The following IL1RAPL1 variants were observed in gnomAD, a reference collection of about 807,000 sequenced individuals.
The protein encoded by IL1RAPL1 is interleukin-1 receptor accessory protein-like 1.
A neutral mutation model predicts 48.4 loss-of-function variants in IL1RAPL1; 3 were observed. The ratio of observed to expected loss-of-function variants is 0.06; its 90% CI spans 0.03 to 0.16. The LOEUF is 0.16. Ranked by LOEUF, IL1RAPL1 falls within the 10% of genes least tolerant of loss-of-function variation. The pLI is 1.00. For synonymous variants in IL1RAPL1, 185 were observed against 187.7 expected (o/e 0.99, Z 0.12); for missense variants, 349 against 530.6 (o/e 0.66, Z 3.36).
chrX:29,267,720 C>T (rs1167486813), intron 2 of IL1RAPL1, among the ~76,000 whole-genome samples: 1 of 112,004 alleles, frequency 8.9e-6, no homozygotes, highest in Admixed American at 9.5e-5. Context: ...ACAAGCTCTG[C>T]ATTAAATCCA....
At chrX:29,010,550 C>T (rs1926099053) in intron 2 of IL1RAPL1, among the ~76,000 whole-genome samples, 1 of 111,796 alleles carries the variant, frequency 8.9e-6, no homozygotes, top group Admixed American at 9.6e-5. Flanking sequence ...TTTTTAAAGT[C>T]ACAAACATAT....
chrX:29,215,741 G>T (rs186805068), intron 2 of IL1RAPL1, among the ~76,000 whole-genome samples: 18 of 111,970 alleles, frequency 1.6e-4, no homozygotes, highest in African/African-American at 5.8e-4. Context: ...GACAAAACAT[G>T]CTGATATAGA....
intron 2 of IL1RAPL1, among the ~76,000 whole-genome samples, chrX:29,208,729 TAATAATA>T (rs199631770): frequency 0.13 from 11,940 of 95,063 alleles, 880 homozygotes; most frequent in East Asian, 0.33. Flanking sequence ...ATAATAATAA[TAATAATA>T]AATAAATAAA....
intron 6 of IL1RAPL1, among the ~76,000 whole-genome samples, chrX:29,851,725 G>C (rs1931374134): frequency 9.0e-6 from 1 of 111,045 alleles, no homozygotes; most frequent in Admixed American, 9.6e-5. Context: ...GGGAGCTGTA[G>C]GTCCTTTTCT....
chrX:29,808,043 G>A (rs1930296708), intron 6 of IL1RAPL1, among the ~76,000 whole-genome samples: 1 of 111,598 alleles, frequency 9.0e-6, no homozygotes, highest in South Asian at 3.7e-4. Context: ...GTTTTTGCAG[G>A]ACAGTTTGGT....
chrX:28,917,893 A>AT (rs1464627802), intron 2 of IL1RAPL1, among the ~76,000 whole-genome samples: 3 of 111,768 alleles, frequency 2.7e-5, no homozygotes, highest in Non-Finnish European at 5.7e-5. Flanking sequence ...TTTAAGATGT[A>AT]TTTTTTCCCT....
At chrX:29,102,418 C>A (rs1356915591) in intron 2 of IL1RAPL1, among the ~76,000 whole-genome samples, 1 of 111,642 alleles carries the variant, frequency 9.0e-6, no homozygotes, top group African/African-American at 3.3e-5. Context: ...TATAATCCCA[C>A]CACTTTGGGA....
At chrX:29,238,737 T>A (rs1406054136) in intron 2 of IL1RAPL1, among the ~76,000 whole-genome samples, 1 of 112,220 alleles carries the variant, frequency 8.9e-6, no homozygotes, top group African/African-American at 3.2e-5. Context: ...ATATATTCAG[T>A]GACTTACAAT....
At chrX:29,379,672 C>T (rs1432873921) in intron 3 of IL1RAPL1, among the ~76,000 whole-genome samples, 2 of 111,973 alleles carry the variant, frequency 1.8e-5, no homozygotes, top group Non-Finnish European at 3.8e-5. Flanking sequence ...CTAGCCATAA[C>T]GTTCAGGTAC....
intron 6 of IL1RAPL1, among the ~76,000 whole-genome samples, chrX:29,732,002 A>C (rs1009121976): frequency 6.2e-5 from 7 of 112,158 alleles, no homozygotes; most frequent in African/African-American, 9.7e-5. Context: ...AACCACAAAA[A>C]GAAGATATAT....
intron 5 of IL1RAPL1, among the ~76,000 whole-genome samples, chrX:29,587,224 A>G (rs1433415784): frequency 9.0e-6 from 1 of 111,134 alleles, no homozygotes; most frequent in Non-Finnish European, 1.9e-5. Context: ...AACTAACAGA[A>G]TAAAAAGAAT....
At chrX:29,921,314 G>A (rs1032788181) in intron 8 of IL1RAPL1, among the ~76,000 whole-genome samples, 2 of 112,219 alleles carry the variant, frequency 1.8e-5, no homozygotes, top group African/African-American at 6.5e-5. Flanking sequence ...TTCAAAGCCC[G>A]TGTTTAATCC....
chrX:28,963,365 T>G (rs1045423015), intron 2 of IL1RAPL1, among the ~76,000 whole-genome samples: 2 of 111,499 alleles, frequency 1.8e-5, no homozygotes, highest in Non-Finnish European at 3.8e-5. Flanking sequence ...TGATCTCTAT[T>G]TTACATTATA....
intron 6 of IL1RAPL1, among the ~76,000 whole-genome samples, chrX:29,803,468 T>C (rs866956521): frequency 3.1e-5 from 3 of 96,914 alleles, no homozygotes; most frequent in Non-Finnish European, 4.2e-5. Context: ...TATATGTATA[T>C]ATGTATACAT....
At chrX:28,913,166 C>A (rs764699456) in intron 2 of IL1RAPL1, among the ~76,000 whole-genome samples, 40 of 111,289 alleles carry the variant, frequency 3.6e-4, no homozygotes, top group African/African-American at 1.0e-3. Flanking sequence ...AGATTGAGTG[C>A]AAGAAGTGTT....
intron 5 of IL1RAPL1, among the ~76,000 whole-genome samples, chrX:29,601,151 C>T (rs1441063208): frequency 8.9e-6 from 1 of 112,056 alleles, no homozygotes; most frequent in Non-Finnish European, 1.9e-5. Flanking sequence ...AATAGATTTA[C>T]TAATCACCTA....
At chrX:28,853,511 ACT>A (rs1252965361) in intron 2 of IL1RAPL1, among the ~76,000 whole-genome samples, 1 of 108,180 alleles carries the variant, frequency 9.2e-6, no homozygotes, top group Non-Finnish European at 1.9e-5. Context: ...ACACACACAC[ACT>A]CTCACTCATG....
intron 8 of IL1RAPL1, among the ~76,000 whole-genome samples, chrX:29,920,504 G>C (rs1014484610): frequency 1.8e-5 from 2 of 110,667 alleles, no homozygotes; most frequent in Non-Finnish European, 3.8e-5. Flanking sequence ...ATTAGAAATA[G>C]ATATTAGGGG....
chrX:29,034,245 T>C (rs1926681265), intron 2 of IL1RAPL1, among the ~76,000 whole-genome samples: 1 of 112,228 alleles, frequency 8.9e-6, no homozygotes, highest in African/African-American at 3.2e-5. Context: ...GTGAAATTTA[T>C]TGGTTTGTCT....
Sources: gnomAD v4.1 joint callset for allele counts (sites outside exome capture counted in the v4.1 genomes callset) on GRCh38, gnomAD v4.1.1 for gene constraint, MANE v1.5 for transcripts, NCBI Gene and HGNC (gene_info 2026-07-23, HGNC 2026-07-21) for gene names.